Variants in ZNF804B observed in about 807,000 individuals in gnomAD.
The protein encoded by ZNF804B is zinc finger protein 804B, also known as zinc finger 804B.
In ZNF804B, 80 loss-of-function variants were observed where a neutral mutation model predicts 101.4. The observed-to-expected ratio is 0.79, with a 90% CI of 0.66 to 0.95. The LOEUF is 0.95. ZNF804B is among the 40% of genes least tolerant of loss of function. ZNF804B has a pLI of 0.00. For synonymous variants in ZNF804B, 622 were observed against 558.8 expected (o/e 1.11, Z -1.59); for missense variants, 1,673 against 1,561.9 (o/e 1.07, Z -1.20).
chr7:88,913,069 C>A (rs955026083), intron 1 of ZNF804B, among the ~76,000 whole-genome samples: 2 of 152,106 alleles, frequency 1.3e-5, no homozygotes, highest in African/African-American at 2.4e-5. Flanking sequence ...ACAAAGCCAG[C>A]ATTACTCCTT....
chr7:88,825,667 C>A (rs770672011), intron 1 of ZNF804B, among the ~76,000 whole-genome samples: 1 of 152,138 alleles, frequency 6.6e-6, no homozygotes, highest in Non-Finnish European at 1.5e-5. Context: ...CCTCATTTTT[C>A]TCACTTTTTA....
At chr7:89,004,202 A>G (rs1309403665) in intron 1 of ZNF804B, among the ~76,000 whole-genome samples, 1 of 151,898 alleles carries the variant, frequency 6.6e-6, no homozygotes, top group Non-Finnish European at 1.5e-5. Context: ...TAAACAATCT[A>G]TAAATAATAC....
chr7:88,858,179 T>C (rs751144527), intron 1 of ZNF804B, among the ~76,000 whole-genome samples: 2 of 152,110 alleles, frequency 1.3e-5, no homozygotes, highest in Non-Finnish European at 2.9e-5. Flanking sequence ...CACTAATTCA[T>C]AAATAGCAAA....
intron 1 of ZNF804B, among the ~76,000 whole-genome samples, chr7:88,964,606 A>G (rs79897699): frequency 1.3e-4 from 19 of 151,506 alleles, no homozygotes; most frequent in Non-Finnish European, 2.5e-4. Context: ...AACAGTGGTG[A>G]TGATTGTGCA....
chr7:89,236,318 G>A (rs1039094052), intron 2 of ZNF804B, among the ~76,000 whole-genome samples: 3 of 152,072 alleles, frequency 2.0e-5, no homozygotes, highest in African/African-American at 7.2e-5. Context: ...TCCTAGAGCG[G>A]TGAGGTGAGA....
chr7:88,951,948 T>C (rs1793229970), intron 1 of ZNF804B, among the ~76,000 whole-genome samples: 1 of 151,880 alleles, frequency 6.6e-6, no homozygotes, highest in Non-Finnish European at 1.5e-5. Flanking sequence ...TATATCTGTA[T>C]CCAGCTGGTA....
At chr7:88,888,351 C>T (rs990300000) in intron 1 of ZNF804B, among the ~76,000 whole-genome samples, 1 of 152,114 alleles carries the variant, frequency 6.6e-6, no homozygotes, top group African/African-American at 2.4e-5. Context: ...GAGACCATGG[C>T]ACCGCACTCC....
intron 1 of ZNF804B, among the ~76,000 whole-genome samples, chr7:89,165,310 A>G (rs1791125227): frequency 6.6e-6 from 1 of 152,076 alleles, no homozygotes; most frequent in African/African-American, 2.4e-5. Flanking sequence ...AGATGGTGAT[A>G]TGTCTGGGGT....
intron 1 of ZNF804B, among the ~76,000 whole-genome samples, chr7:88,890,184 C>T (rs1792194673): frequency 1.3e-5 from 2 of 151,978 alleles, no homozygotes; most frequent in Admixed American, 1.3e-4. Context: ...TCACATAAGT[C>T]CAAAGGTACT....
intron 1 of ZNF804B, among the ~76,000 whole-genome samples, chr7:88,929,863 A>G (rs948599325): frequency 6.6e-6 from 1 of 151,982 alleles, no homozygotes; most frequent in Admixed American, 6.6e-5. Flanking sequence ...TGTAAATATC[A>G]TAAACTATTT....
At chr7:89,053,775 C>G (rs1789246477) in intron 1 of ZNF804B, among the ~76,000 whole-genome samples, 1 of 151,814 alleles carries the variant, frequency 6.6e-6, no homozygotes, top group Admixed American at 6.6e-5. Context: ...CTCTTATGCA[C>G]TCAGAAAAAA....
chr7:89,142,424 T>G (rs10952951), intron 1 of ZNF804B, among the ~76,000 whole-genome samples: 1 of 151,704 alleles, frequency 6.6e-6, no homozygotes, highest in Admixed American at 6.6e-5. Context: ...ACAAAATGCC[T>G]TGAACATTCC....
At chr7:89,115,830 G>C (rs369429530) in intron 1 of ZNF804B, among the ~76,000 whole-genome samples, 1 of 151,796 alleles carries the variant, frequency 6.6e-6, no homozygotes, top group Non-Finnish European at 1.5e-5. Context: ...TCAAGATTTT[G>C]CCTCTTTAAA....
chr7:88,887,592 C>T (rs550727439), intron 1 of ZNF804B, among the ~76,000 whole-genome samples: 1 of 152,036 alleles, frequency 6.6e-6, no homozygotes, highest in Non-Finnish European at 1.5e-5. Context: ...AGGTGTGCAG[C>T]CTTATTTCTG....
At chr7:88,826,974 C>A (rs1277148321) in intron 1 of ZNF804B, among the ~76,000 whole-genome samples, 1 of 151,976 alleles carries the variant, frequency 6.6e-6, no homozygotes, top group Admixed American at 6.6e-5. Flanking sequence ...ATTATTCCTA[C>A]CAGATGTCAT....
At chr7:89,330,099 A>C (rs1365662510) in intron 3 of ZNF804B, among the ~76,000 whole-genome samples, 1 of 151,684 alleles carries the variant, frequency 6.6e-6, no homozygotes. Context: ...TTATTTTAAT[A>C]TAAGTAAGAA....
chr7:89,085,373 T>C (rs552611540), intron 1 of ZNF804B, among the ~76,000 whole-genome samples: 2 of 152,070 alleles, frequency 1.3e-5, no homozygotes, highest in East Asian at 3.9e-4. Flanking sequence ...CTGAATAGTT[T>C]GGGGCAGAAC....
At chr7:88,949,702 T>G (rs1793188784) in intron 1 of ZNF804B, among the ~76,000 whole-genome samples, 1 of 151,968 alleles carries the variant, frequency 6.6e-6, no homozygotes. Flanking sequence ...AATACAGTCA[T>G]GTGCTGCGTA....
At chr7:89,227,592 C>A (rs568127016) in intron 2 of ZNF804B, among the ~76,000 whole-genome samples, 2 of 152,244 alleles carry the variant, frequency 1.3e-5, no homozygotes, top group South Asian at 4.1e-4. Flanking sequence ...ACAGAGAATA[C>A]AGTGGGGTAA....
Sources: allele counts gnomAD v4.1 joint callset (sites outside exome capture counted in the v4.1 genomes callset), GRCh38; gene constraint gnomAD v4.1.1; transcripts MANE v1.5; gene names NCBI Gene and HGNC (gene_info 2026-07-23, HGNC 2026-07-21).